Variants in SGCZ observed in about 807,000 individuals in gnomAD.
SGCZ encodes sarcoglycan zeta, also known as zeta-sarcoglycan.
Under a neutral mutation model 41.3 loss-of-function variants are expected in SGCZ, and 40 were observed. The observed-to-expected ratio is 0.97, with a 90% CI of 0.75 to 1.26. The LOEUF (loss-of-function observed/expected upper bound fraction) is 1.26, where lower values mean the gene tolerates loss of function less well. Among genes scored for constraint, SGCZ ranks in the 50% most tolerant of loss-of-function variants. The probability of loss-of-function intolerance (pLI) is 0.00; values close to 1 mark genes in which losing one functional copy is unlikely to be tolerated. For synonymous variants in SGCZ, 206 were observed against 137.5 expected (o/e 1.50, Z -3.49); for missense variants, 552 against 369.8 (o/e 1.49, Z -4.04).
At chr8:14,823,468 T>C (rs1405163591) in intron 1 of SGCZ, among the ~76,000 whole-genome samples, 1 of 152,090 alleles carries the variant, frequency 6.6e-6, no homozygotes, top group Admixed American at 6.5e-5. Context: ...GGCCAACAGA[T>C]ATGAAAAAAT....
chr8:14,615,872 T>C (rs992458788), intron 1 of SGCZ, among the ~76,000 whole-genome samples: 5 of 152,238 alleles, frequency 3.3e-5, no homozygotes, highest in African/African-American at 1.2e-4. Context: ...CATTCAATTC[T>C]ATCCTGGGCC....
At chr8:14,715,909 T>C (rs1272285860) in intron 1 of SGCZ, among the ~76,000 whole-genome samples, 3 of 152,068 alleles carry the variant, frequency 2.0e-5, no homozygotes, top group East Asian at 1.9e-4. Context: ...CACAACAATT[T>C]GGTAGAAATA....
At chr8:14,497,529 T>C (rs1802024716) in intron 2 of SGCZ, among the ~76,000 whole-genome samples, 1 of 152,012 alleles carries the variant, frequency 6.6e-6, no homozygotes, top group African/African-American at 2.4e-5. Context: ...TTGTAAGCTT[T>C]CTTAAAACAT....
chr8:15,095,609 A>G (rs1307927561), intron 1 of SGCZ, among the ~76,000 whole-genome samples: 1 of 152,132 alleles, frequency 6.6e-6, no homozygotes, highest in Non-Finnish European at 1.5e-5. Flanking sequence ...TTTTATGGAA[A>G]AGAAATATAC....
chr8:14,564,988 C>T, intron 1 of SGCZ, among the ~76,000 whole-genome samples: 1 of 151,716 alleles, frequency 6.6e-6, no homozygotes, highest in Admixed American at 6.6e-5. Flanking sequence ...ATGGAAAATG[C>T]TGTAGTCAGG....
At chr8:14,881,887 T>G (rs1011461935) in intron 1 of SGCZ, among the ~76,000 whole-genome samples, 4 of 152,140 alleles carry the variant, frequency 2.6e-5, no homozygotes, top group African/African-American at 9.7e-5. Context: ...TCTCAGATCA[T>G]AGCGCAATCA....
At chr8:15,157,222 A>G (rs1231047505) in intron 1 of SGCZ, among the ~76,000 whole-genome samples, 1 of 151,930 alleles carries the variant, frequency 6.6e-6, no homozygotes, top group Non-Finnish European at 1.5e-5. Flanking sequence ...TACTCACAAT[A>G]TGATATTTTT....
At chr8:14,928,529 A>G (rs1799830611) in intron 1 of SGCZ, among the ~76,000 whole-genome samples, 1 of 152,212 alleles carries the variant, frequency 6.6e-6, no homozygotes, top group African/African-American at 2.4e-5. Context: ...GATTTTTACA[A>G]TTTGCCTCTA....
At chr8:14,891,557 C>T (rs1489656771) in intron 1 of SGCZ, among the ~76,000 whole-genome samples, 2 of 152,170 alleles carry the variant, frequency 1.3e-5, no homozygotes, top group Non-Finnish European at 2.9e-5. Context: ...TAATCTACTC[C>T]TAGTGAAGAT....
intron 2 of SGCZ, among the ~76,000 whole-genome samples, chr8:14,337,196 CA>C (rs774996328): frequency 1.0e-3 from 152 of 152,196 alleles, no homozygotes; most frequent in Non-Finnish European, 1.6e-3. Context: ...AAGCCTTCCA[CA>C]AAAAAGTCTG....
At chr8:14,162,125 A>G (rs1283650363) in intron 5 of SGCZ, among the ~76,000 whole-genome samples, 1 of 152,224 alleles carries the variant, frequency 6.6e-6, no homozygotes, top group African/African-American at 2.4e-5. Flanking sequence ...AAGCAAAAGC[A>G]GAAAATGAAT....
At chr8:14,125,965 C>T (rs1169017210) in intron 5 of SGCZ, among the ~76,000 whole-genome samples, 2 of 152,126 alleles carry the variant, frequency 1.3e-5, no homozygotes, top group Non-Finnish European at 2.9e-5. Context: ...TCACACATTA[C>T]ACAAAAATTA....
chr8:15,018,580 C>T (rs984641771), intron 1 of SGCZ, among the ~76,000 whole-genome samples: 2 of 152,036 alleles, frequency 1.3e-5, no homozygotes, highest in African/African-American at 2.4e-5. Context: ...AACTCAAGAA[C>T]AGTTTGATGG....
At chr8:14,474,880 G>C (rs541187318) in intron 2 of SGCZ, among the ~76,000 whole-genome samples, 1 of 152,240 alleles carries the variant, frequency 6.6e-6, no homozygotes, top group African/African-American at 2.4e-5. Context: ...TCCAAAATGT[G>C]TGAGATAAAT....
chr8:14,108,166 A>C lies in SGCZ; in HGVS notation c.617T>G (p.Leu206Arg). The stretch of plus-strand genomic sequence containing the variant: ...AGGTATAAGAGGAAGCCCTTACCTG[A>C]GATCTTGGGATGGCTCTGCTCTGAT... ...PHIRAEPSQD[L>R]RLESPTRSLI... Residue 206 changes from leucine to arginine, a missense_variant, in exon 6 of 8, where the codon CTC (leucine) becomes CGC (arginine). Physicochemically the swap from Leu to Arg is moderately radical, Grantham distance 102 (BLOSUM62 -2). Transcript: ENST00000382080. 1 of 1,614,022 alleles carries C rather than the reference A, an allele frequency of 6.2e-7. No individual in the cohort carries two copies. Among genetic ancestry groups the C allele is most frequent in the Non-Finnish European group, 8.5e-7 (1 of 1,179,948 alleles).
chr8:15,225,861 C>A (rs73524820), intron 1 of SGCZ, among the ~76,000 whole-genome samples: 2,997 of 152,234 alleles, frequency 0.02, 88 homozygotes, highest in African/African-American at 0.068. Flanking sequence ...ATTACATTTT[C>A]TTACGAAATA....
At chr8:14,702,809 T>TTAGG (rs1179212311) in intron 1 of SGCZ, among the ~76,000 whole-genome samples, 46 of 117,412 alleles carry the variant, frequency 3.9e-4, no homozygotes, top group South Asian at 1.9e-3. Context: ...AGGTAGGTAG[T>TTAGG]TAGGTAGATA....
At chr8:14,470,373 G>C (rs1192327487) in intron 2 of SGCZ, among the ~76,000 whole-genome samples, 1 of 152,050 alleles carries the variant, frequency 6.6e-6, no homozygotes, top group African/African-American at 2.4e-5. Context: ...CGTGTAGTAA[G>C]AATTAAGAGA....
At chr8:14,108,268 A>G in intron 5 of SGCZ, 33 bp from the exon 6 acceptor site, 1 of 1,597,018 alleles carries the variant, frequency 6.3e-7, no homozygotes, top group Non-Finnish European at 8.6e-7. Context: ...AGTCAGTATA[A>G]GCAAGTCCAC....
Sources: allele counts gnomAD v4.1 joint callset (sites outside exome capture counted in the v4.1 genomes callset), GRCh38; gene constraint gnomAD v4.1.1; transcripts MANE v1.5; gene names NCBI Gene and HGNC (gene_info 2026-07-23, HGNC 2026-07-21).